ZDHHC11: variants seen among roughly 807,000 people sequenced by gnomAD.
ZDHHC11 encodes the protein palmitoyltransferase ZDHHC11.
In ZDHHC11, 44 loss-of-function variants were observed where a neutral mutation model predicts 51.3. The observed-to-expected ratio is 0.86, with a 90% confidence interval of 0.67 to 1.10. The LOEUF is 1.10. Ranked by LOEUF, ZDHHC11 falls within the 50% of genes least tolerant of loss-of-function variation. ZDHHC11 has a pLI of 0.00. For synonymous variants in ZDHHC11, 163 were observed against 222.0 expected (o/e 0.73, Z 2.36); for missense variants, 400 against 537.7 (o/e 0.74, Z 2.53).
chr5:848,289 CG>C (rs1463042998), intron 2 of ZDHHC11, among the ~76,000 whole-genome samples, 192 bp downstream of exon 2: 2 of 106,698 alleles, frequency 1.9e-5, no homozygotes, highest in Non-Finnish European at 3.9e-5. Context: ...GGAGTTGGGG[CG>C]GCCCGGCACC....
At chr5:848,856 T>A (rs1201038829) in intron 1 of ZDHHC11, among the ~76,000 whole-genome samples, 196 bp from the exon 2 acceptor site, 1 of 143,222 alleles carries the variant, frequency 7.0e-6, no homozygotes, top group Non-Finnish European at 1.5e-5. Context: ...AACTGAGCCC[T>A]GTTCGCCTGG....
chr5:832,996 A>T (rs1267193089), intron 7 of ZDHHC11, among the ~76,000 whole-genome samples: 1 of 145,120 alleles, frequency 6.9e-6, no homozygotes, highest in Admixed American at 6.9e-5. Flanking sequence ...ACTGTTGAAC[A>T]TTAATTCACA....
upstream of ZDHHC11, among the ~76,000 whole-genome samples, chr5:853,399 A>G (rs1291311580): frequency 3.1e-4 from 39 of 124,190 alleles, no homozygotes; most frequent in South Asian, 1.7e-3. Flanking sequence ...CAGACCCCAC[A>G]GAGGACAGTG....
At chr5:841,099 A>G in intron 4 of ZDHHC11, 1 of 923,068 alleles carries the variant, frequency 1.1e-6, no homozygotes. Flanking sequence ...CCCCTTCCTC[A>G]CTAAGTGCCA....
chr5:799,214 G>A (rs143431838), intron 12 of ZDHHC11, among the ~76,000 whole-genome samples: 13 of 149,656 alleles, frequency 8.7e-5, no homozygotes, highest in East Asian at 3.9e-4. Context: ...TTGCTCTAAC[G>A]AACCCATGAG....
At chr5:809,292 T>C (rs1270657021) in intron 11 of ZDHHC11, among the ~76,000 whole-genome samples, 1 of 140,396 alleles carries the variant, frequency 7.1e-6, no homozygotes, top group Non-Finnish European at 1.5e-5. Context: ...TTTGTTGCTG[T>C]TGGAGCAGCA....
At chr5:799,497 A>G (rs1211408642) in intron 12 of ZDHHC11, among the ~76,000 whole-genome samples, 1 of 151,604 alleles carries the variant, frequency 6.6e-6, no homozygotes, top group African/African-American at 2.4e-5. Context: ...ACTGTTAGTC[A>G]CTGTTGCTCA....
intron 4 of ZDHHC11, chr5:841,046 G>A: frequency 9.7e-7 from 1 of 1,028,118 alleles, no homozygotes; most frequent in Non-Finnish European, 1.2e-6. Context: ...CGGGGTCACA[G>A]TGCCCACCCC....
intron 3 of ZDHHC11, among the ~76,000 whole-genome samples, chr5:845,836 C>T (rs1746067876): frequency 6.7e-6 from 1 of 149,734 alleles, no homozygotes; most frequent in South Asian, 2.1e-4. Context: ...GCCCTGCTCT[C>T]CTGATGCCCC....
intron 5 of ZDHHC11, among the ~76,000 whole-genome samples, chr5:838,173 A>G (rs1234864458): frequency 1.3e-5 from 2 of 151,964 alleles, no homozygotes; most frequent in Non-Finnish European, 2.9e-5. Flanking sequence ...CCCACAGGAC[A>G]GCTCAGCAGG....
intron 3 of ZDHHC11, among the ~76,000 whole-genome samples, chr5:845,640 C>T (rs1746027411): frequency 6.6e-6 from 1 of 152,038 alleles, no homozygotes; most frequent in Non-Finnish European, 1.5e-5. Flanking sequence ...GCTGGGCCTC[C>T]CCATGGGGGC....
intron 12 of ZDHHC11, among the ~76,000 whole-genome samples, chr5:797,035 G>A (rs1468749065): frequency 2.0e-5 from 3 of 151,038 alleles, no homozygotes; most frequent in South Asian, 2.1e-4. Flanking sequence ...GTGAACCCCC[G>A]TCTCTACTAA....
chr5:843,822 G>A lies in ZDHHC11; in HGVS notation c.504-98C>T, dbSNP rs71591191. On this transcript the variant is annotated intron_variant, in intron 3 of 12. Transcript: ENST00000283441. ...GGGCACGGGGGCAGGGGGTGTGCAC[G>A]GGGTGGGCAGGGGCGGGCGTGGGGG... The A allele has an allele frequency of 9.5e-3, 4,777 of 501,852 alleles. 49 individuals are homozygous for A. The African/African-American group carries it at 0.19, about 20-fold the overall frequency. The allele number at this position is 501,852 out of a possible 1,614,324, so 31.1% of individuals were successfully genotyped here.
At chr5:817,407 A>G (rs1157117161) in intron 10 of ZDHHC11, among the ~76,000 whole-genome samples, 1 of 151,142 alleles carries the variant, frequency 6.6e-6, no homozygotes, top group Non-Finnish European at 1.5e-5. Flanking sequence ...TCAGGACACA[A>G]CTCCTTCCGT....
rs1741599440 is a variant in ZDHHC11, at chr5:821,769, G to A, written c.1058+92C>T. On this transcript the variant is annotated intron_variant, in intron 9 of 12. Transcript: ENST00000283441. ...TCAGGATATTTGAAGACATTAAATG[G>A]ATGACATATTTTCCTAAGTAATTCG... 4 of 1,290,280 alleles carry A rather than the reference G, an allele frequency of 3.1e-6. No individual in the cohort carries two copies. The African/African-American group carries it at 4.3e-5, about 14-fold the overall frequency. 79.9% of individuals were successfully genotyped at this position (1,290,280 alleles called of 1,614,324 possible).
rs1209665520 is a variant in ZDHHC11, at chr5:850,700, C to G, written c.-98G>C. 3 of 1,440,026 alleles carry G rather than the reference C, an allele frequency of 2.1e-6. No individual in the cohort carries two copies. In the African/African-American group the frequency reaches 4.2e-5, roughly 20 times the overall value. 89.2% of individuals were successfully genotyped at this position (1,440,026 alleles called of 1,614,324 possible). A position where few individuals can be genotyped will look rare whatever the true frequency, so the allele number is the denominator to read the frequency against. On this transcript the variant is annotated 5_prime_UTR_variant, in exon 1 of 13. Transcript: ENST00000283441. ...ACCAAGGGGACTGGGAATGCAGCCG[C>G]CAGGACCAGCACTGACAGCCAATGG...
chr5:831,073 G>A (rs1428013920), intron 7 of ZDHHC11, among the ~76,000 whole-genome samples: 1 of 149,300 alleles, frequency 6.7e-6, no homozygotes, highest in African/African-American at 2.5e-5. Context: ...AGCTCATGAC[G>A]AAGAATCCAA....
intron 11 of ZDHHC11, among the ~76,000 whole-genome samples, chr5:804,713 G>A (rs1328542446): frequency 1.3e-5 from 2 of 151,194 alleles, no homozygotes; most frequent in African/African-American, 4.9e-5. Flanking sequence ...TAAATGCCCT[G>A]GAAGGTGGAA....
chr5:823,848 G>C (rs981616908), intron 8 of ZDHHC11: 1 of 349,004 alleles, frequency 2.9e-6, no homozygotes, highest in Middle Eastern at 3.8e-4. Context: ...CACAGGCAGA[G>C]AAACTCCCAT....
Sources: gnomAD v4.1 joint callset for allele counts (sites outside exome capture counted in the v4.1 genomes callset) on GRCh38, gnomAD v4.1.1 for gene constraint, MANE v1.5 for transcripts, NCBI Gene and HGNC (gene_info 2026-07-23, HGNC 2026-07-21) for gene names.